The following WDR27 variants were observed in gnomAD, a reference collection of about 807,000 sequenced individuals.
WDR27 encodes WD repeat-containing protein 27.
WDR27 carries 100 observed loss-of-function variants against 114.4 expected under a neutral mutation model. The observed-to-expected ratio is 0.87, with a 90% confidence interval of 0.74 to 1.03. WDR27 has a LOEUF of 1.03. Among genes scored for constraint, WDR27 ranks in the 50% least tolerant of loss-of-function variants. The probability of loss-of-function intolerance (pLI) is 0.00; values close to 1 mark genes in which losing one functional copy is unlikely to be tolerated. For synonymous variants in WDR27, 449 were observed against 423.1 expected, an observed-to-expected ratio of 1.06 and a Z score of -0.75; for missense variants, 1,129 against 1,092.9, an observed-to-expected ratio of 1.03 and a Z score of -0.47.
chr6:169,497,556 CA>C (rs35202332), intron 25 of WDR27, among the ~76,000 whole-genome samples: 7,769 of 145,376 alleles, frequency 0.053, 257 homozygotes, highest in East Asian at 0.13. Flanking sequence ...CCTAAAACTA[CA>C]AAAAAAAAAA....
chr6:169,523,809 T>C (rs1467240355), intron 25 of WDR27, among the ~76,000 whole-genome samples: 1 of 152,118 alleles, frequency 6.6e-6, no homozygotes, highest in East Asian at 1.9e-4. Context: ...ATAAAGGCTA[T>C]ATATGACAAA....
At chr6:169,655,147 A>C (rs1823765732) in intron 13 of WDR27, among the ~76,000 whole-genome samples, 1 of 152,220 alleles carries the variant, frequency 6.6e-6, no homozygotes, top group Non-Finnish European at 1.5e-5. Context: ...GTGACCACCC[A>C]GTGCTATTCT....
Position 169,556,576 on chromosome 6 carries a change from A to G in WDR27, c.2645+15843T>C, listed in dbSNP as rs938559338. On this transcript the variant is annotated intron_variant, in intron 25 of 25. Transcript: ENST00000448612. ...GTCTCTGGGTTAGCAAAGGTTTCTT[A>G]GGCCACAGAAAGCATTAAGCAAATC... Among the ~76,000 whole-genome samples, 10 of 152,242 alleles carry G rather than the reference A, an allele frequency of 6.6e-5. No homozygotes were observed. In the East Asian group the frequency reaches 1.9e-3, roughly 29 times the overall value.
rs150411070 is a variant in WDR27, at chr6:169,624,753, C to T, written c.2223+8194G>A. Among the ~76,000 whole-genome samples, 467 of 152,290 alleles carry T rather than the reference C, an allele frequency of 3.1e-3. 6 individuals carry two copies. Among genetic ancestry groups the T allele is most frequent in the African/African-American group, 0.011 (453 of 41,556 alleles). ...ACCTGACCGTCAACTAGAGCCCTTG[C>T]TGTGGCCTGTGACTGATGCCTGGCC... On this transcript the variant is annotated intron_variant, in intron 21 of 25. Coordinates refer to ENST00000448612, the MANE Select transcript of WDR27 (RefSeq NM_182552.5).
At chr6:169,576,544 T>C (rs1802366681) in intron 24 of WDR27, among the ~76,000 whole-genome samples, 1 of 152,170 alleles carries the variant, frequency 6.6e-6, no homozygotes, top group Non-Finnish European at 1.5e-5. Flanking sequence ...GAGGATTGCT[T>C]GAGGGCAGGA....
chr6:169,656,642 C>T (rs1824283748), intron 13 of WDR27, among the ~76,000 whole-genome samples: 1 of 151,878 alleles, frequency 6.6e-6, no homozygotes, highest in African/African-American at 2.4e-5. Context: ...GCCAAGAAGG[C>T]CCAGGAGGGC....
intron 6 of WDR27, chr6:169,666,720 T>C: frequency 1.0e-6 from 1 of 989,766 alleles, no homozygotes; most frequent in Non-Finnish European, 1.2e-6. Flanking sequence ...GCACACGTGC[T>C]CAGGACCTGA....
intron 6 of WDR27, chr6:169,666,279 T>G (rs1478474532): frequency 9.6e-6 from 6 of 625,312 alleles, no homozygotes; most frequent in Non-Finnish European, 1.2e-5. Flanking sequence ...TGTTTTTAAG[T>G]CATTACAGCA....
the WDR27 span, among the ~76,000 whole-genome samples, chr6:169,443,377 G>A: frequency 5.9e-5 from 9 of 152,326 alleles, no homozygotes; most frequent in Non-Finnish European, 8.8e-5. Flanking sequence ...GGTTCCATTC[G>A]CTTTGATAGG....
At chr6:169,657,302 G>A (rs1179635746) in intron 13 of WDR27, among the ~76,000 whole-genome samples, 7 of 152,244 alleles carry the variant, frequency 4.6e-5, no homozygotes, top group Non-Finnish European at 1.0e-4. Context: ...GTCTGGTAGG[G>A]AAGGGAGAGG....
In WDR27 at chr6:169,502,658, C is replaced by T. The variant is rs192882180; in HGVS notation, c.2646-45024G>A. Among the ~76,000 whole-genome samples the T allele has an allele frequency of 1.7e-3, 262 of 152,264 alleles. 2 individuals carry two copies. The highest frequency in any genetic ancestry group is 5.8e-3 in the African/African-American group (243 of 41,550). On this transcript the variant is annotated intron_variant, in intron 25 of 25. Transcript: ENST00000448612. ...GGAGGCGGAAGCGTCTCGTCTCACT[C>T]CCCGGCGCTCCCTCTGCCTCCCTCT...
intron 25 of WDR27, among the ~76,000 whole-genome samples, chr6:169,459,142 G>A (rs1005170268): frequency 6.6e-6 from 1 of 152,138 alleles, no homozygotes; most frequent in African/African-American, 2.4e-5. Flanking sequence ...CAATCTGATG[G>A]CACTTCTACA....
At chr6:169,672,133 C>A in intron 3 of WDR27, 122 bp downstream of exon 3, 1 of 1,030,456 alleles carries the variant, frequency 9.7e-7, no homozygotes, top group East Asian at 2.6e-5. Flanking sequence ...CAAAATTATC[C>A]CAAACCCCCC....
In WDR27 at chr6:169,578,430, A is replaced by C. The variant is rs146237671; in HGVS notation, c.2523+4406T>G. On this transcript the variant is annotated intron_variant, in intron 24 of 25. Coordinates refer to ENST00000448612, the MANE Select transcript of WDR27 (RefSeq NM_182552.5). Reference sequence around the variant, plus strand: ...TTGGATGAATGGCAAGTCTATCTAGATTGGGTTTTTTTTCCAATTTCAAAA... The same window carrying C: ...TTGGATGAATGGCAAGTCTATCTAGCTTGGGTTTTTTTTCCAATTTCAAAA... 1.4e-3 allele frequency among the ~76,000 whole-genome samples: 206 copies of C among 152,282 alleles called. 4 individuals carry two copies. The East Asian group carries it at 0.032, about 24-fold the overall frequency.
chr6:169,616,226 C>T (rs935976126), intron 21 of WDR27, among the ~76,000 whole-genome samples: 4 of 152,196 alleles, frequency 2.6e-5, no homozygotes, highest in Admixed American at 1.3e-4. Flanking sequence ...TGCAGTGGCT[C>T]ACACCTGTAA....
chr6:169,488,699 G>T (rs1789297514), intron 25 of WDR27, among the ~76,000 whole-genome samples: 1 of 152,184 alleles, frequency 6.6e-6, no homozygotes, highest in African/African-American at 2.4e-5. Flanking sequence ...AAACTTAAAG[G>T]CTAGCAGGGA....
chr6:169,475,454 C>T (rs1244395766), intron 25 of WDR27, among the ~76,000 whole-genome samples: 2 of 152,152 alleles, frequency 1.3e-5, no homozygotes, highest in Non-Finnish European at 2.9e-5. Flanking sequence ...AACTCCTGAC[C>T]TCAGGTGATC....
intron 25 of WDR27, among the ~76,000 whole-genome samples, chr6:169,486,411 C>A (rs966288234): frequency 6.6e-6 from 1 of 152,202 alleles, no homozygotes; most frequent in Non-Finnish European, 1.5e-5. Context: ...TGTCCACCAC[C>A]CTCCTGTGGT....
chr6:169,656,545 C>T (rs1338886886), intron 13 of WDR27, among the ~76,000 whole-genome samples: 1 of 151,890 alleles, frequency 6.6e-6, no homozygotes, highest in Non-Finnish European at 1.5e-5. Flanking sequence ...CTTGTGGGGT[C>T]CAGGAAGACG....
Sources: gnomAD v4.1 joint callset for allele counts (sites outside exome capture counted in the v4.1 genomes callset) on GRCh38, gnomAD v4.1.1 for gene constraint, MANE v1.5 for transcripts, NCBI Gene and HGNC (gene_info 2026-07-23, HGNC 2026-07-21) for gene names.